Variants in NBEA observed in about 807,000 individuals in gnomAD.
The protein encoded by NBEA is neurobeachin, also known as lysosomal-trafficking regulator 2.
NBEA carries 44 observed loss-of-function variants against 343.4 expected under a neutral mutation model. The ratio of observed to expected loss-of-function variants is 0.13; its 90% CI spans 0.10 to 0.16. The LOEUF is 0.16. NBEA is among the 10% of genes least tolerant of loss of function. The pLI is 1.00. For synonymous variants in NBEA, 1,175 were observed against 1,238.7 expected, an observed-to-expected ratio of 0.95 and a Z score of 1.08; for missense variants, 2,555 against 3,631.3, an observed-to-expected ratio of 0.70 and a Z score of 7.62.
At chr13:35,444,679 A>C (rs2045906127) in intron 39 of NBEA, among the ~76,000 whole-genome samples, 1 of 152,030 alleles carries the variant, frequency 6.6e-6, no homozygotes, top group African/African-American at 2.4e-5. Context: ...GTCCTCCCAA[A>C]GATCTTTTTC....
At position 35,230,242 on chromosome 13, in the gene NBEA, G is replaced by A. The variant is rs558239475; in HGVS notation, c.5649-2250G>A. On this transcript the variant is annotated intron_variant, in intron 33 of 58. Coordinates refer to ENST00000379939, the MANE Select transcript of NBEA (RefSeq NM_001385012.1). ...TACTTACAGAAGTAATCAGTTGCTC[G>A]GATTAATTGAAGTTCTATTTTGTAT... Among the ~76,000 whole-genome samples the A allele has an allele frequency of 5.9e-5, 9 of 151,938 alleles. No individual in the cohort carries two copies. In the South Asian group the frequency reaches 8.3e-4, roughly 14 times the overall value.
At chr13:35,583,582 G>A (rs1346269329) in intron 45 of NBEA, among the ~76,000 whole-genome samples, 1 of 152,062 alleles carries the variant, frequency 6.6e-6, no homozygotes, top group Non-Finnish European at 1.5e-5. Context: ...AGCTTATTAA[G>A]TAGAAGGAAA....
intron 33 of NBEA, among the ~76,000 whole-genome samples, chr13:35,217,467 T>C (rs2074127073): frequency 6.6e-6 from 1 of 152,012 alleles, no homozygotes; most frequent in Non-Finnish European, 1.5e-5. Context: ...AAAATTTATA[T>C]TGTATTTTCT....
At position 35,401,990 on chromosome 13, in the gene NBEA, T is replaced by G. The variant is rs186255679; in HGVS notation, c.6180-30279T>G. ...TGTAACCTGTGTACAAAATCTTGGG[T>G]TTTTATTAACATGTTATCGTTATTA... On this transcript the variant is annotated intron_variant, in intron 38 of 58. Transcript: ENST00000379939. Among the ~76,000 whole-genome samples the G allele has an allele frequency of 1.6e-3, 246 of 152,092 alleles. 1 individual carries two copies. Among genetic ancestry groups the G allele is most frequent in the Middle Eastern group, 6.8e-3 (2 of 294 alleles).
At chr13:35,306,047 A>T (rs558895769) in intron 35 of NBEA, among the ~76,000 whole-genome samples, 23 of 152,334 alleles carry the variant, frequency 1.5e-4, no homozygotes, top group Admixed American at 1.5e-3. Flanking sequence ...TGATGTCTAC[A>T]TACATCAGGA....
At chr13:35,130,027 A>T (rs897082935) in intron 17 of NBEA, among the ~76,000 whole-genome samples, 16 of 152,234 alleles carry the variant, frequency 1.1e-4, no homozygotes, top group Non-Finnish European at 1.8e-4. Flanking sequence ...ATTTACTTTT[A>T]AAAAATGCTG....
At chr13:35,496,300 T>C (rs1467948981) in intron 41 of NBEA, among the ~76,000 whole-genome samples, 2 of 151,898 alleles carry the variant, frequency 1.3e-5, no homozygotes, top group African/African-American at 4.8e-5. Flanking sequence ...TACTTTCATA[T>C]ATTGTGTTCC....
At chr13:35,053,695 A>G (rs1403144737) in intron 6 of NBEA, among the ~76,000 whole-genome samples, 1 of 152,100 alleles carries the variant, frequency 6.6e-6, no homozygotes, top group Non-Finnish European at 1.5e-5. Flanking sequence ...TTGAAAGGTA[A>G]ATAATAATCA....
intron 38 of NBEA, among the ~76,000 whole-genome samples, chr13:35,426,437 G>C (rs1304003965): frequency 6.6e-6 from 1 of 152,116 alleles, no homozygotes; most frequent in Non-Finnish European, 1.5e-5. Context: ...GAAATTCTGG[G>C]TTGAAAATTC....
chr13:35,396,887 T>C (rs1164747873), intron 38 of NBEA, among the ~76,000 whole-genome samples: 8 of 152,116 alleles, frequency 5.3e-5, no homozygotes, highest in African/African-American at 1.9e-4. Context: ...TGTGCCCCTG[T>C]ATTACATCAG....
intron 38 of NBEA, among the ~76,000 whole-genome samples, chr13:35,364,793 T>C (rs2041008065): frequency 6.6e-6 from 1 of 151,730 alleles, no homozygotes; most frequent in Admixed American, 6.6e-5. Flanking sequence ...TAATCCCAAA[T>C]GAGGAGAGGT....
At chr13:35,094,028 T>G (rs1350526932) in intron 10 of NBEA, among the ~76,000 whole-genome samples, 3 of 151,864 alleles carry the variant, frequency 2.0e-5, no homozygotes, top group Admixed American at 1.3e-4. Context: ...ATATGAAAAT[T>G]TTAACATTTT....
At chr13:35,201,823 A>G (rs992716977) in intron 31 of NBEA, among the ~76,000 whole-genome samples, 10 of 152,042 alleles carry the variant, frequency 6.6e-5, no homozygotes, top group African/African-American at 2.4e-4. Flanking sequence ...GTGCATCTCC[A>G]TTCTCAAACT....
At chr13:35,477,491 A>G (rs551332618) in intron 41 of NBEA, among the ~76,000 whole-genome samples, 3 of 152,336 alleles carry the variant, frequency 2.0e-5, no homozygotes, top group Middle Eastern at 3.4e-3. Flanking sequence ...GAAACATTTG[A>G]AAAATAAATT....
At chr13:35,648,669 CTAAA>C (rs1451245886) in intron 51 of NBEA, among the ~76,000 whole-genome samples, 1 of 152,062 alleles carries the variant, frequency 6.6e-6, no homozygotes, top group Non-Finnish European at 1.5e-5. Context: ...TGTATGAAAG[CTAAA>C]TAATGGTTAT....
At chr13:35,457,797 A>G (rs1484538966) in intron 40 of NBEA, among the ~76,000 whole-genome samples, 1 of 152,016 alleles carries the variant, frequency 6.6e-6, no homozygotes, top group Non-Finnish European at 1.5e-5. Flanking sequence ...TCCAGCAGAG[A>G]TGGGGTTTCA....
chr13:35,512,740 C>T (rs1369892869), intron 41 of NBEA, among the ~76,000 whole-genome samples: 1 of 152,182 alleles, frequency 6.6e-6, no homozygotes, highest in African/African-American at 2.4e-5. Flanking sequence ...TCATTCTACT[C>T]CTATTTTTTA....
rs567354303 is a variant in NBEA, at chr13:35,244,922, C to G, written c.5776+12303C>G. ...CGGCCTGGTCACTGTTGGTGTATAGCAGAGCTACTGATTCGTCTACATTAA... is the reference window on the plus strand; with the variant it reads ...CGGCCTGGTCACTGTTGGTGTATAGGAGAGCTACTGATTCGTCTACATTAA... On this transcript the variant is annotated intron_variant, in intron 34 of 58. Coordinates refer to ENST00000379939, the MANE Select transcript of NBEA (RefSeq NM_001385012.1). Among the ~76,000 whole-genome samples, 26 of 152,142 alleles carry G rather than the reference C, an allele frequency of 1.7e-4. No homozygotes were observed. In the South Asian group the frequency reaches 2.3e-3, roughly 13 times the overall value.
At chr13:34,958,867 T>C (rs1438756396) in intron 1 of NBEA, among the ~76,000 whole-genome samples, 1 of 152,154 alleles carries the variant, frequency 6.6e-6, no homozygotes, top group Non-Finnish European at 1.5e-5. Context: ...TCTGATACAG[T>C]TCAGTATTCT....
Sources: allele counts gnomAD v4.1 joint callset (sites outside exome capture counted in the v4.1 genomes callset), GRCh38; gene constraint gnomAD v4.1.1; transcripts MANE v1.5; gene names NCBI Gene and HGNC (gene_info 2026-07-23, HGNC 2026-07-21).